Variants in OLAH observed in about 807,000 individuals in gnomAD.
The protein encoded by OLAH is oleoyl-ACP hydrolase, also known as S-acyl fatty acid synthase thioesterase, medium chain.
OLAH carries 33 observed loss-of-function variants against 27.8 expected under a neutral mutation model. That is an observed-to-expected ratio of 1.19 (90% CI 0.90 to 1.59). The LOEUF is 1.59. Among genes scored for constraint, OLAH ranks in the 40% most tolerant of loss-of-function variants. The pLI, the probability that OLAH is intolerant of heterozygous loss-of-function variation, is 0.00. For missense variants in OLAH, 359 were observed against 310.8 expected, an observed-to-expected ratio of 1.16 and a Z score of -1.17; for synonymous variants, 120 against 102.9, an observed-to-expected ratio of 1.17 and a Z score of -1.01.
intron 1 of OLAH, among the ~76,000 whole-genome samples, chr10:15,034,042 A>G (rs937677249): frequency 9.9e-5 from 15 of 151,974 alleles, no homozygotes; most frequent in African/African-American, 3.6e-4. Flanking sequence ...GGAAAGGGAA[A>G]CTACCAGGAG....
At chr10:15,033,004 C>CT (rs1000799106) in intron 1 of OLAH, among the ~76,000 whole-genome samples, 1 of 151,866 alleles carries the variant, frequency 6.6e-6, no homozygotes, top group Non-Finnish European at 1.5e-5. Context: ...TCCCAAGAAG[C>CT]TGGGATTACA....
chr10:15,073,306 A>T lies in OLAH; in HGVS notation c.*77A>T. On this transcript the variant is annotated 3_prime_UTR_variant, in exon 8 of 8. Transcript: ENST00000378228. ...AGTTATTCAGATATAGCTCAGTTTT[A>T]TTCAGATTGGAAATTACACATTTTC... The T allele has an allele frequency of 3.1e-6, 3 of 955,050 alleles. No individual in the cohort carries two copies. Among genetic ancestry groups the T allele is most frequent in the Non-Finnish European group, 3.1e-6 (2 of 641,048 alleles). The allele number at this position is 955,050 out of a possible 1,614,324, so 59.2% of individuals were successfully genotyped here. A position where few individuals can be genotyped will look rare whatever the true frequency, so the allele number is the denominator to read the frequency against.
chr10:15,065,575 T>G lies in OLAH; in HGVS notation c.403-9T>G. On this transcript the variant is annotated splice_polypyrimidine_tract_variant and intron_variant, in intron 5 of 7. Coordinates refer to ENST00000378228, the MANE Select transcript of OLAH (RefSeq NM_001039702.3). ...AATATCAGGCCTGTGTTGTTGTTCA[T>G]GTTTCAAGTCAAAGGCCTGGCATCG... 1.2e-6 allele frequency: 2 copies of G among 1,604,984 alleles called. No individual in the cohort carries two copies. The highest frequency in any genetic ancestry group is 4.5e-5 in the East Asian group (2 of 44,832).
At chr10:15,071,283 T>C (rs1453631047) in intron 6 of OLAH, among the ~76,000 whole-genome samples, 2 of 152,102 alleles carry the variant, frequency 1.3e-5, no homozygotes, top group Non-Finnish European at 2.9e-5. Context: ...TCTCTCTAGT[T>C]GAATGATTGT....
intron 3 of OLAH, among the ~76,000 whole-genome samples, chr10:15,058,177 T>C (rs946890890): frequency 6.6e-6 from 1 of 152,222 alleles, no homozygotes; most frequent in African/African-American, 2.4e-5. Context: ...AGCAATATTT[T>C]GTCATTTTTT....
In OLAH at chr10:15,044,342, G is replaced by A. The variant is rs116861839; in HGVS notation, c.-164+356G>A. Among the ~76,000 whole-genome samples, 917 of 152,136 alleles carry A rather than the reference G, an allele frequency of 6.0e-3. 5 individuals carry two copies. Among genetic ancestry groups the A allele is most frequent in the Middle Eastern group, 0.034 (10 of 294 alleles). ...AAATTAAGGCATGCATATTTATACA[G>A]TCTAAATTTAGTAAAACCTCACAGA... On this transcript the variant is annotated intron_variant, in intron 1 of 7. Transcript: ENST00000378228.
intron 3 of OLAH, among the ~76,000 whole-genome samples, chr10:15,050,359 C>T (rs1844111151): frequency 6.6e-6 from 1 of 152,016 alleles, no homozygotes; most frequent in Non-Finnish European, 1.5e-5. Flanking sequence ...TCTCCACCTC[C>T]CGGGTTCAGG....
At chr10:15,056,047 A>G (rs941557750) in intron 3 of OLAH, among the ~76,000 whole-genome samples, 5 of 151,996 alleles carry the variant, frequency 3.3e-5, no homozygotes, top group African/African-American at 9.7e-5. Context: ...ACAGGATTTC[A>G]CCATGTTGGC....
chr10:15,071,444 A>G, intron 6 of OLAH: 1 of 846,018 alleles, frequency 1.2e-6, no homozygotes, highest in Non-Finnish European at 1.4e-6. Flanking sequence ...GTGCAGAGCA[A>G]CCCTCTGCTG....
chr10:15,040,201 C>T (rs1843899658), upstream of OLAH, among the ~76,000 whole-genome samples: 1 of 152,138 alleles, frequency 6.6e-6, no homozygotes, highest in African/African-American at 2.4e-5. Flanking sequence ...AATCCCATTA[C>T]ACCCTTTCTC....
chr10:15,066,405 G>T (rs1198394151), intron 6 of OLAH, among the ~76,000 whole-genome samples: 1 of 151,938 alleles, frequency 6.6e-6, no homozygotes, highest in Non-Finnish European at 1.5e-5. Flanking sequence ...GTTACTTATT[G>T]TAAGTGTGGA....
intron 6 of OLAH, 117 bp from the exon 7 acceptor site, chr10:15,071,678 T>TA (rs1844589266): frequency 2.8e-6 from 4 of 1,451,146 alleles, no homozygotes; most frequent in Admixed American, 2.2e-5. Context: ...TTTACACTGC[T>TA]AGAGTAGCCA....
At chr10:15,047,012 T>A (rs1266205527) in intron 1 of OLAH, 114 bp from the exon 2 acceptor site, 5 of 355,190 alleles carry the variant, frequency 1.4e-5, no homozygotes, top group Non-Finnish European at 2.6e-5. Context: ...CTGAATAACA[T>A]CAGTTGTGTT....
At chr10:15,048,157 A>C (rs1430531601) in intron 2 of OLAH, among the ~76,000 whole-genome samples, 2 of 152,206 alleles carry the variant, frequency 1.3e-5, no homozygotes, top group African/African-American at 4.8e-5. Context: ...ACTTTTCCTA[A>C]TATCACCTGA....
rs561901319 is a variant in OLAH, at chr10:15,049,091, A to C, written c.33-544A>C. ...ACATTCCAGCCTGGGCAACAAAGTG[A>C]GACTATGTCTTTTTTTTTTTTTTTT... is the stretch of plus-strand genomic sequence containing the variant. On this transcript the variant is annotated intron_variant, in intron 2 of 7. Coordinates refer to ENST00000378228, the MANE Select transcript of OLAH (RefSeq NM_001039702.3). Among the ~76,000 whole-genome samples the C allele has an allele frequency of 8.6e-4, 121 of 141,180 alleles. 1 individual carries two copies. The highest frequency in any genetic ancestry group is 2.6e-3 in the South Asian group (11 of 4,266). The allele number at this position is 141,180 out of a possible 152,430, so 92.6% of individuals were successfully genotyped here.
intron 7 of OLAH, among the ~76,000 whole-genome samples, chr10:15,072,730 G>T (rs1026393941): frequency 1.3e-5 from 2 of 151,856 alleles, no homozygotes; most frequent in African/African-American, 4.8e-5. Flanking sequence ...CGGAAGCAAG[G>T]TTATCTCGAG....
chr10:15,042,546 C>T (rs1843938460), upstream of OLAH, among the ~76,000 whole-genome samples: 2 of 152,116 alleles, frequency 1.3e-5, no homozygotes, highest in African/African-American at 4.8e-5. Flanking sequence ...ACAGACAATC[C>T]AATTATACTC....
At chr10:15,048,052 T>G (rs1482219881) in intron 2 of OLAH, among the ~76,000 whole-genome samples, 2 of 152,172 alleles carry the variant, frequency 1.3e-5, no homozygotes, top group African/African-American at 2.4e-5. Context: ...TTATATATCT[T>G]TGTAAGGAAT....
At chr10:15,040,293 T>C (rs564987427), upstream of OLAH, among the ~76,000 whole-genome samples, 5 of 152,314 alleles carry the variant, frequency 3.3e-5, no homozygotes, top group East Asian at 9.7e-4. Context: ...TCAACCCATC[T>C]GTTCACCATC....
Sources: allele counts gnomAD v4.1 joint callset (sites outside exome capture counted in the v4.1 genomes callset), GRCh38; gene constraint gnomAD v4.1.1; transcripts MANE v1.5; gene names NCBI Gene and HGNC (gene_info 2026-07-23, HGNC 2026-07-21).